The following CCM2 variants were observed in gnomAD, a reference collection of about 807,000 sequenced individuals.
CCM2 encodes CCM2 scaffold protein.
Under a neutral mutation model 44.9 loss-of-function variants are expected in CCM2, and 25 were observed. That is an observed-to-expected ratio of 0.56 (90% confidence interval 0.41 to 0.78). The LOEUF is 0.78. CCM2 is among the 30% of genes least tolerant of loss of function. The pLI is 0.00. For missense variants in CCM2, 481 were observed against 580.6 expected, an observed-to-expected ratio of 0.83 and a Z score of 1.76; for synonymous variants, 219 against 241.1, an observed-to-expected ratio of 0.91 and a Z score of 0.85.
intron 4 of CCM2, among the ~76,000 whole-genome samples, chr7:45,066,280 G>A (rs1206563833): frequency 6.6e-6 from 1 of 152,118 alleles, no homozygotes; most frequent in Non-Finnish European, 1.5e-5. Flanking sequence ...TGTTACATAA[G>A]GTGTGCTGTG....
At chr7:45,031,306 C>T (rs575971685) in intron 1 of CCM2, among the ~76,000 whole-genome samples, 30 of 142,210 alleles carry the variant, frequency 2.1e-4, no homozygotes, top group African/African-American at 2.9e-4. Context: ...CGCTTGAGCC[C>T]GGGAGGTGGA....
intron 1 of CCM2, chr7:45,027,727 G>A: frequency 6.2e-7 from 1 of 1,614,142 alleles, no homozygotes; most frequent in Middle Eastern, 1.6e-4. Flanking sequence ...TGTCGGCAGA[G>A]GAGGAACCAG....
At chr7:45,062,862 A>G (rs977991750) in intron 2 of CCM2, among the ~76,000 whole-genome samples, 6 of 150,488 alleles carry the variant, frequency 4.0e-5, no homozygotes, top group Non-Finnish European at 7.4e-5. Context: ...TCTGGAGGCT[A>G]GGAGGTTTAA....
chr7:45,043,794 A>G (rs573901590), intron 2 of CCM2: 33 of 361,552 alleles, frequency 9.1e-5, no homozygotes, highest in African/African-American at 3.1e-4. Context: ...ACTCTTCCCA[A>G]TGCCTTCTGG....
At chr7:45,066,308 A>T (rs1057329665) in intron 4 of CCM2, among the ~76,000 whole-genome samples, 1 of 152,070 alleles carries the variant, frequency 6.6e-6, no homozygotes, top group African/African-American at 2.4e-5. Flanking sequence ...TTTAATTTTT[A>T]AAATATTTTA....
At chr7:45,051,413 A>T (rs28630972) in intron 2 of CCM2, among the ~76,000 whole-genome samples, 20,193 of 146,580 alleles carry the variant, frequency 0.14, 1,613 homozygotes, top group Middle Eastern at 0.23. Flanking sequence ...TTATTTATTT[A>T]TTGAGACATA....
chr7:45,003,361 C>T (rs1795722119), intron 1 of CCM2, among the ~76,000 whole-genome samples: 1 of 152,158 alleles, frequency 6.6e-6, no homozygotes, highest in Non-Finnish European at 1.5e-5. Context: ...TGAGCCACCG[C>T]ACCTGACAGT....
intron 1 of CCM2, among the ~76,000 whole-genome samples, chr7:45,022,677 C>G (rs891708411): frequency 2.8e-4 from 43 of 152,156 alleles, no homozygotes; most frequent in African/African-American, 1.0e-3. Flanking sequence ...TAAAAAATTT[C>G]AGTAGCTTTT....
intron 6 of CCM2, chr7:45,071,742 CT>C (rs1441522352): frequency 2.2e-6 from 1 of 456,514 alleles, no homozygotes; most frequent in Non-Finnish European, 4.4e-6. Context: ...CTTCCTCTGT[CT>C]TCACAGCCAG....
intron 4 of CCM2, among the ~76,000 whole-genome samples, chr7:45,066,147 T>G (rs1798762713): frequency 6.6e-6 from 1 of 152,120 alleles, no homozygotes; most frequent in Non-Finnish European, 1.5e-5. Context: ...CAAAATTAGA[T>G]GAAAAACAGG....
chr7:45,025,361 T>G (rs1796643172), intron 1 of CCM2, among the ~76,000 whole-genome samples: 1 of 152,178 alleles, frequency 6.6e-6, no homozygotes, highest in South Asian at 2.1e-4. Context: ...CTGTAAAACA[T>G]TTGCAGCTGT....
At chr7:45,071,899 C>G (rs763019367) in intron 6 of CCM2, 1 of 456,230 alleles carries the variant, frequency 2.2e-6, no homozygotes, top group South Asian at 1.6e-5. Context: ...CCTTTACTCC[C>G]CTTTGAAATT....
At chr7:45,038,118 C>A in intron 1 of CCM2, 135 bp from the exon 2 acceptor site, 3 of 1,046,704 alleles carry the variant, frequency 2.9e-6, no homozygotes, top group Non-Finnish European at 4.3e-6. Flanking sequence ...ACCTTTCTCA[C>A]CAGTCTGGCA....
At chr7:45,049,466 C>A (rs190366199) in intron 2 of CCM2, among the ~76,000 whole-genome samples, 7 of 152,246 alleles carry the variant, frequency 4.6e-5, no homozygotes, top group East Asian at 1.9e-4. Context: ...ACTGTTTGCA[C>A]CTTGCTTTTT....
chr7:45,033,043 TCAAAAAAAAAAAAAA>T, intron 1 of CCM2, among the ~76,000 whole-genome samples: 1 of 5,582 alleles, frequency 1.8e-4, no homozygotes, highest in African/African-American at 1.3e-3. Flanking sequence ...AAACTCCGTC[TCAAAAAAAAAAAAAA>T]AAAAAAAAAA....
At chr7:45,027,811 C>T in intron 1 of CCM2, 1 of 1,613,884 alleles carries the variant, frequency 6.2e-7, no homozygotes, top group Non-Finnish European at 8.5e-7. Context: ...GGTGCAAGTC[C>T]AGTGTGGAAA....
intron 4 of CCM2, 86 bp downstream of exon 4, chr7:45,064,732 C>T (rs1798690861): frequency 7.0e-7 from 1 of 1,419,162 alleles, no homozygotes; most frequent in Non-Finnish European, 9.8e-7. Context: ...GTTTTTGCAG[C>T]TTCGTGTTGG....
At chr7:45,011,380 A>G (rs906240787) in intron 1 of CCM2, among the ~76,000 whole-genome samples, 9 of 151,834 alleles carry the variant, frequency 5.9e-5, no homozygotes, top group African/African-American at 2.2e-4. Flanking sequence ...TATTTTTAGT[A>G]GAGATGGGGT....
chr7:45,002,058 C>T (rs1795659208), intron 1 of CCM2, among the ~76,000 whole-genome samples: 1 of 152,190 alleles, frequency 6.6e-6, no homozygotes, highest in East Asian at 1.9e-4. Flanking sequence ...CTCGTGTACT[C>T]TGCCAGTTGC....
Sources: allele counts gnomAD v4.1 joint callset (sites outside exome capture counted in the v4.1 genomes callset), GRCh38; gene constraint gnomAD v4.1.1; transcripts MANE v1.5; gene names NCBI Gene and HGNC (gene_info 2026-07-23, HGNC 2026-07-21).